Variants in RNF144A observed in about 807,000 individuals in gnomAD.
RNF144A encodes the protein E3 ubiquitin-protein ligase RNF144A.
A neutral mutation model predicts 38.7 loss-of-function variants in RNF144A; 11 were observed. That is an observed-to-expected ratio of 0.28 (90% CI 0.18 to 0.47). RNF144A has a LOEUF of 0.47. RNF144A is among the 20% of genes least tolerant of loss of function. The pLI, the probability that RNF144A is intolerant of heterozygous loss-of-function variation, is 0.99. For missense variants in RNF144A, 316 were observed against 377.2 expected, an observed-to-expected ratio of 0.84 and a Z score of 1.34; for synonymous variants, 149 against 143.9, an observed-to-expected ratio of 1.04 and a Z score of -0.25.
intron 2 of RNF144A, among the ~76,000 whole-genome samples, chr2:6,942,249 G>A (rs1009180318): frequency 1.4e-4 from 22 of 152,054 alleles, no homozygotes; most frequent in African/African-American, 5.1e-4. Context: ...CTAGAATCCA[G>A]GAGACCATCT....
At chr2:6,954,370 G>T (rs1666871150) in intron 2 of RNF144A, among the ~76,000 whole-genome samples, 1 of 152,046 alleles carries the variant, frequency 6.6e-6, no homozygotes, top group Admixed American at 6.6e-5. Flanking sequence ...TAAAAAAAAA[G>T]AAAGCCTTAA....
Position 7,042,314 on chromosome 2 carries a change from T to C in RNF144A, c.*2554T>C, listed in dbSNP as rs1339969347. On this transcript the variant is annotated 3_prime_UTR_variant, in exon 9 of 9. Coordinates refer to ENST00000320892, the MANE Select transcript of RNF144A (RefSeq NM_014746.6). The stretch of plus-strand genomic sequence containing the variant: ...CTTTGATCTTGCCATCATTCCCCAG[T>C]AAAACCTGGGGAGTTCTGCGTTGAG... 2 of 985,274 alleles carry C rather than the reference T, an allele frequency of 2.0e-6. No individual in the cohort carries two copies. The highest frequency in any genetic ancestry group is 3.5e-5 in the African/African-American group (2 of 57,240). 61.0% of individuals were successfully genotyped at this position (985,274 alleles called of 1,614,324 possible). A position where few individuals can be genotyped will look rare whatever the true frequency, so the allele number is the denominator to read the frequency against.
intron 7 of RNF144A, among the ~76,000 whole-genome samples, chr2:7,025,000 G>T (rs1270953313): frequency 6.6e-6 from 1 of 152,150 alleles, no homozygotes; most frequent in Admixed American, 6.5e-5. Context: ...AGTGGGGGCT[G>T]GGGGGCTGTT....
chr2:7,046,762 G>A (rs554176113), downstream of RNF144A, among the ~76,000 whole-genome samples: 10 of 152,320 alleles, frequency 6.6e-5, no homozygotes, highest in East Asian at 1.9e-3. Flanking sequence ...TGTGGTTAAT[G>A]CAAAGAAAAA....
chr2:7,026,463 G>A (rs746470914), intron 7 of RNF144A, among the ~76,000 whole-genome samples: 1 of 150,012 alleles, frequency 6.7e-6, no homozygotes, highest in Non-Finnish European at 1.5e-5. Flanking sequence ...GGCCTTCAAG[G>A]TCTTATTTAT....
At chr2:6,955,704 C>T (rs781226815) in intron 2 of RNF144A, among the ~76,000 whole-genome samples, 11 of 152,180 alleles carry the variant, frequency 7.2e-5, no homozygotes, top group Non-Finnish European at 1.5e-4. Flanking sequence ...CGTGCCTGCT[C>T]CTGGCTTTGT....
chr2:6,984,204 G>A (rs2103367549), intron 2 of RNF144A, among the ~76,000 whole-genome samples: 1 of 152,264 alleles, frequency 6.6e-6, no homozygotes, highest in East Asian at 1.9e-4. Flanking sequence ...CTCCCCGCTA[G>A]AGTGTAAGTT....
intron 5 of RNF144A, among the ~76,000 whole-genome samples, chr2:7,019,856 C>T (rs1671397898): frequency 6.6e-6 from 1 of 152,202 alleles, no homozygotes; most frequent in African/African-American, 2.4e-5. Flanking sequence ...GAGAGAAAAT[C>T]TGGCCCTTGA....
chr2:6,928,269 G>A (rs1240187599), intron 1 of RNF144A, among the ~76,000 whole-genome samples: 1 of 152,106 alleles, frequency 6.6e-6, no homozygotes, highest in Non-Finnish European at 1.5e-5. Context: ...TCCTTAAGAC[G>A]CTCTACTGTC....
chr2:7,007,932 T>C (rs1366280113), intron 3 of RNF144A, among the ~76,000 whole-genome samples: 1 of 152,208 alleles, frequency 6.6e-6, no homozygotes, highest in South Asian at 2.1e-4. Flanking sequence ...ACATGCATTC[T>C]CTCAGAAGTC....
chr2:6,983,670 G>T (rs1340755294), intron 2 of RNF144A, among the ~76,000 whole-genome samples: 1 of 152,132 alleles, frequency 6.6e-6, no homozygotes, highest in Non-Finnish European at 1.5e-5. Context: ...TCTGAGCCTT[G>T]TACCGGAATC....
At chr2:7,016,782 A>G (rs1471656962) in intron 5 of RNF144A, among the ~76,000 whole-genome samples, 3 of 152,136 alleles carry the variant, frequency 2.0e-5, no homozygotes, top group African/African-American at 7.2e-5. Flanking sequence ...TCTAAAATCT[A>G]GTCAAGTAGA....
At chr2:6,994,891 C>T (rs1234316292) in intron 2 of RNF144A, among the ~76,000 whole-genome samples, 1 of 151,992 alleles carries the variant, frequency 6.6e-6, no homozygotes, top group Non-Finnish European at 1.5e-5. Context: ...CTTCAGTCAC[C>T]CCCTCAGTTG....
intron 6 of RNF144A, among the ~76,000 whole-genome samples, chr2:7,066,215 G>A (rs1278601927): frequency 6.6e-6 from 1 of 152,068 alleles, no homozygotes; most frequent in African/African-American, 2.4e-5. Context: ...AGCCTCCCGA[G>A]TAGCTGGGAC....
Position 7,040,603 on chromosome 2 carries a change from T to C in RNF144A, c.*843T>C. 2 of 985,468 alleles carry C rather than the reference T, an allele frequency of 2.0e-6. No individual in the cohort carries two copies. Among genetic ancestry groups the C allele is most frequent in the Non-Finnish European group, 2.4e-6 (2 of 829,930 alleles). The allele number at this position is 985,468 out of a possible 1,614,324, so 61.0% of individuals were successfully genotyped here. On this transcript the variant is annotated 3_prime_UTR_variant, in exon 9 of 9. Transcript: ENST00000320892. Reference sequence around the variant, plus strand: ...TTCTCTCCCAGGTAGCAGAAAACGCTTTTTATTGTATTCAATCCCACTGCT... The same window carrying C: ...TTCTCTCCCAGGTAGCAGAAAACGCCTTTTATTGTATTCAATCCCACTGCT...
chr2:7,075,647 G>A, the RNF144A span, among the ~76,000 whole-genome samples: 1 of 152,168 alleles, frequency 6.6e-6, no homozygotes, highest in Non-Finnish European at 1.5e-5. Flanking sequence ...CTCACCAGAT[G>A]CAGCCACCTG....
At chr2:7,004,998 C>A (rs1163944618) in intron 3 of RNF144A, among the ~76,000 whole-genome samples, 1 of 152,146 alleles carries the variant, frequency 6.6e-6, no homozygotes, top group Non-Finnish European at 1.5e-5. Flanking sequence ...TCTTTCTAGT[C>A]TTATTTTTAC....
intron 6 of RNF144A, among the ~76,000 whole-genome samples, chr2:7,021,195 T>A (rs772417945): frequency 1.3e-5 from 2 of 152,168 alleles, no homozygotes; most frequent in Non-Finnish European, 2.9e-5. Flanking sequence ...CTCTGTACTT[T>A]GACATTTCGT....
chr2:7,031,093 C>T (rs938012835), intron 8 of RNF144A, among the ~76,000 whole-genome samples: 1 of 152,026 alleles, frequency 6.6e-6, no homozygotes, highest in African/African-American at 2.4e-5. Flanking sequence ...GTTTGCTTCC[C>T]CCACCCCCAC....
Sources: allele counts gnomAD v4.1 joint callset (sites outside exome capture counted in the v4.1 genomes callset), GRCh38; gene constraint gnomAD v4.1.1; transcripts MANE v1.5; gene names NCBI Gene and HGNC (gene_info 2026-07-23, HGNC 2026-07-21).